Variants in DRD2 observed in about 807,000 individuals in gnomAD.
DRD2 encodes dopamine receptor D2.
Under a neutral mutation model 38.0 loss-of-function variants are expected in DRD2, and 8 were observed. The observed-to-expected ratio is 0.21, with a 90% CI of 0.12 to 0.38. The LOEUF is 0.38. Among genes scored for constraint, DRD2 ranks in the 10% least tolerant of loss-of-function variants. DRD2 has a pLI of 1.00. For synonymous variants in DRD2, 230 were observed against 238.6 expected, an observed-to-expected ratio of 0.96 and a Z score of 0.33; for missense variants, 403 against 607.7, an observed-to-expected ratio of 0.66 and a Z score of 3.54.
intron 1 of DRD2, among the ~76,000 whole-genome samples, chr11:113,438,803 G>A (rs1459556947): frequency 6.6e-6 from 1 of 152,174 alleles, no homozygotes; most frequent in Non-Finnish European, 1.5e-5. Flanking sequence ...ACAGAAGTAG[G>A]ACCAGCATGA....
Position 113,412,814 on chromosome 11 carries a change from G to A in DRD2, c.880C>T (p.Arg294Trp), listed in dbSNP as rs758884516. 27 of 1,613,374 alleles carry A rather than the reference G, an allele frequency of 1.7e-5. No homozygotes were observed. Among genetic ancestry groups the A allele is most frequent in the South Asian group, 2.2e-5 (2 of 91,044 alleles). ...TGGCTGGGTGGGATGGGGCTGTACC[G>A]GGTCCTCTCGGGTGGGCTGGTGCTG... ...LSSTSPPERT[R>W]YSPIPPSHHQ... Residue 294 changes from arginine (R) to tryptophan (W), a missense_variant, in exon 7 of 8, where the codon CGG becomes TGG. By Grantham distance (101) the Arg-to-Trp change is moderately radical. Around this residue, in one of 4 missense-constraint regions of DRD2, gnomAD observed 166 missense variants for 178.6 expected, o/e 0.93. Transcript: ENST00000362072.
rs188905110 is a variant in DRD2 at position 113,451,512 on chromosome 11, G to A, written c.-32+23564C>T. Reference sequence around the variant, plus strand: ...TTTATTATTTATTTATTTATTTTGAGATGGAATCTTGCTCTGTCACCCAGG... The same window carrying A: ...TTTATTATTTATTTATTTATTTTGAAATGGAATCTTGCTCTGTCACCCAGG... On this transcript the variant is annotated intron_variant, in intron 1 of 7. Coordinates refer to ENST00000362072, the MANE Select transcript of DRD2 (RefSeq NM_000795.4). Among the ~76,000 whole-genome samples, 987 of 151,946 alleles carry A rather than the reference G, an allele frequency of 6.5e-3. 8 individuals carry two copies. The highest frequency in any genetic ancestry group is 0.023 in the African/African-American group (947 of 41,408).
At chr11:113,441,586 A>C (rs915889446) in intron 1 of DRD2, among the ~76,000 whole-genome samples, 1 of 152,248 alleles carries the variant, frequency 6.6e-6, no homozygotes, top group Non-Finnish European at 1.5e-5. Flanking sequence ...GGCAACAACA[A>C]GCTGGGGTCG....
At chr11:113,461,678 G>T (rs910658279) in intron 1 of DRD2, among the ~76,000 whole-genome samples, 1 of 152,212 alleles carries the variant, frequency 6.6e-6, no homozygotes, top group African/African-American at 2.4e-5. Flanking sequence ...CCGGAGTTCA[G>T]TGTGCTCATC....
rs563663495 is a variant in DRD2, at chr11:113,437,184, C to T, written c.-31-12502G>A. ...TGGGCACCTACTATTTCATTTACTC[C>T]GCATAGCAGCCCTGTGAGATTAGAT... On this transcript the variant is annotated intron_variant, in intron 1 of 7. Transcript: ENST00000362072. 1.8e-4 allele frequency among the ~76,000 whole-genome samples: 28 copies of T among 152,236 alleles called. No individual in the cohort carries two copies. The South Asian group carries it at 5.6e-3, about 30-fold the overall frequency.
intron 2 of DRD2, among the ~76,000 whole-genome samples, chr11:113,423,486 G>A (rs188441340): frequency 6.6e-6 from 1 of 152,288 alleles, no homozygotes; most frequent in Non-Finnish European, 1.5e-5. Context: ...ATGTTGGCCA[G>A]GCTGGTCTTG....
chr11:113,461,670 G>A (rs979543072), intron 1 of DRD2, among the ~76,000 whole-genome samples: 6 of 152,146 alleles, frequency 3.9e-5, no homozygotes, highest in Non-Finnish European at 7.3e-5. Context: ...TTGGCCTACC[G>A]GAGTTCAGTG....
intron 2 of DRD2, 36 bp downstream of exon 2, chr11:113,424,331 G>A (rs1244008048): frequency 2.5e-6 from 4 of 1,607,714 alleles, no homozygotes; most frequent in Non-Finnish European, 2.6e-6. Flanking sequence ...GGGCCCTGCT[G>A]GAGAAAGTGC....
intron 1 of DRD2, among the ~76,000 whole-genome samples, chr11:113,453,663 C>A (rs1229965759): frequency 2.0e-5 from 3 of 152,166 alleles, no homozygotes; most frequent in Non-Finnish European, 2.9e-5. Flanking sequence ...GACCACAGTG[C>A]AGGGAGAGAA....
chr11:113,444,086 A>T (rs765303414), intron 1 of DRD2, among the ~76,000 whole-genome samples: 2 of 152,196 alleles, frequency 1.3e-5, no homozygotes, highest in Non-Finnish European at 2.9e-5. Context: ...CCCAGGCTGG[A>T]GTGCAGTGGC....
At chr11:113,455,119 T>G (rs1951256715) in intron 1 of DRD2, among the ~76,000 whole-genome samples, 1 of 152,150 alleles carries the variant, frequency 6.6e-6, no homozygotes, top group African/African-American at 2.4e-5. Context: ...GAGGCCGAAG[T>G]GGATGGATCA....
At position 113,410,715 on chromosome 11, in the gene DRD2, C is replaced by G. The variant is rs747084511; in HGVS notation, c.*12G>C. The G allele has an allele frequency of 3.1e-6, 5 of 1,613,930 alleles. No individual in the cohort carries two copies. In the African/African-American group the frequency reaches 6.7e-5, roughly 22 times the overall value. ...GGTGGGAAGCAGGCTGCTGTGCGGG[C>G]AGGCAGCAGAGTCAGCAGTGGAGGA... On this transcript the variant is annotated 3_prime_UTR_variant, in exon 8 of 8. Transcript: ENST00000362072.
rs1950750210 is a variant in DRD2 at position 113,409,926 on chromosome 11, T to TGACCTCCCTGCCAGGCCCC, written c.*782_*800dup. 2 of 152,512 alleles carry TGACCTCCCTGCCAGGCCCC rather than the reference T, an allele frequency of 1.3e-5. No homozygotes were observed. The highest frequency in any genetic ancestry group is 2.9e-5 in the Non-Finnish European group (2 of 68,272). 9.4% of individuals were successfully genotyped at this position (152,512 alleles called of 1,614,324 possible). On this transcript the variant is annotated 3_prime_UTR_variant, in exon 8 of 8. Transcript: ENST00000362072. ...CAGGCCCAGATAGAGTTCCAGGGCC[T>TGACCTCCCTGCCAGGCCCC]GACCTCCCTGCCAGGCCCCAGGCTG...
intron 1 of DRD2, among the ~76,000 whole-genome samples, chr11:113,430,605 T>A (rs1234692947): frequency 6.6e-6 from 1 of 152,214 alleles, no homozygotes; most frequent in East Asian, 1.9e-4. Context: ...CATCCCTCCC[T>A]TTTGTCCTTC....
chr11:113,444,148 G>A (rs1020543435), intron 1 of DRD2, among the ~76,000 whole-genome samples: 5 of 152,128 alleles, frequency 3.3e-5, no homozygotes, highest in African/African-American at 1.2e-4. Flanking sequence ...CGATTCTACT[G>A]CCTCAGCCTC....
Position 113,414,426 on chromosome 11 carries a change from G to A in DRD2, c.759C>T (p.Cys253=). 6.2e-7 allele frequency: 1 copy of A among 1,614,210 alleles called. No homozygotes were observed. The highest frequency in any genetic ancestry group is 8.5e-7 in the Non-Finnish European group (1 of 1,180,042). ...NCTHPEDMKL[C]TVIMKSNGSF... ...TCCCATTAGACTTCATGATAACGGT[G>A]CAGAGTTTCATGTCCTCGGGGTGAG... Residue 253 remains cysteine (C), a synonymous_variant, in exon 6 of 8, where the codon TGC becomes TGT. Transcript: ENST00000362072.
rs1223061543 is a variant in DRD2, at chr11:113,475,103, G to C, written c.-59C>G. 1 of 151,842 alleles carries C rather than the reference G, an allele frequency of 6.6e-6. No individual in the cohort carries two copies. The highest frequency in any genetic ancestry group is 1.5e-5 in the Non-Finnish European group (1 of 67,852). 9.4% of individuals were successfully genotyped at this position (151,842 alleles called of 1,614,324 possible). A position where few individuals can be genotyped will look rare whatever the true frequency, so the allele number is the denominator to read the frequency against. On this transcript the variant is annotated 5_prime_UTR_variant, in exon 1 of 8. Transcript: ENST00000362072. ...TCAAGCCATAGGGCGCCCGGGGGCA[G>C]AGACGGCGCCGGCTGCTTGAGGCTT...
intron 1 of DRD2, among the ~76,000 whole-genome samples, chr11:113,457,024 C>G (rs2119939791): frequency 6.6e-6 from 1 of 152,216 alleles, no homozygotes; most frequent in Non-Finnish European, 1.5e-5. Context: ...CCATGTGCAG[C>G]ATTTGAGAGG....
At chr11:113,461,809 C>A (rs1413345932) in intron 1 of DRD2, among the ~76,000 whole-genome samples, 2 of 152,198 alleles carry the variant, frequency 1.3e-5, no homozygotes, top group Non-Finnish European at 2.9e-5. Flanking sequence ...ATATAAAGCA[C>A]TTAATATGCA....
Sources: allele counts gnomAD v4.1 joint callset (sites outside exome capture counted in the v4.1 genomes callset), GRCh38; gene constraint gnomAD v4.1.1; regional missense constraint gnomAD v4.1.1; transcripts MANE v1.5; gene names NCBI Gene and HGNC (gene_info 2026-07-23, HGNC 2026-07-21).